Variants in ZNF362 observed in about 807,000 individuals in gnomAD.
ZNF362 encodes the protein zinc finger protein 362.
Under a neutral mutation model 42.9 loss-of-function variants are expected in ZNF362, and 11 were observed. The ratio of observed to expected loss-of-function variants is 0.26; its 90% CI spans 0.16 to 0.42. The LOEUF (loss-of-function observed/expected upper bound fraction) is 0.42. ZNF362 is among the 20% of genes least tolerant of loss of function. The pLI is 1.00. For synonymous variants in ZNF362, 255 were observed against 257.3 expected (o/e 0.99, Z 0.09); for missense variants, 362 against 576.2 (o/e 0.63, Z 3.81).
chr1:33,134,711 C>T, the ZNF362 span, among the ~76,000 whole-genome samples: 4 of 152,326 alleles, frequency 2.6e-5, no homozygotes, highest in South Asian at 4.1e-4. Flanking sequence ...GGAGTACATG[C>T]GGGTCTCTGG....
At chr1:33,136,467 C>A in the ZNF362 span, among the ~76,000 whole-genome samples, 1 of 151,804 alleles carries the variant, frequency 6.6e-6, no homozygotes, top group Non-Finnish European at 1.5e-5. Context: ...CTCCCAGGCT[C>A]AAGCAATTCT....
At chr1:33,202,120 T>C in the ZNF362 span, among the ~76,000 whole-genome samples, 3 of 152,236 alleles carry the variant, frequency 2.0e-5, no homozygotes, top group African/African-American at 7.2e-5. Flanking sequence ...TGAATTCGTA[T>C]TTAAAAGCCT....
At chr1:33,292,559 G>A (rs1046769652) in intron 6 of ZNF362, among the ~76,000 whole-genome samples, 7 of 152,146 alleles carry the variant, frequency 4.6e-5, no homozygotes, top group Non-Finnish European at 7.4e-5. Context: ...GCCAGGCTTT[G>A]GTATCAGGAT....
chr1:33,138,228 T>C, the ZNF362 span, among the ~76,000 whole-genome samples: 1 of 152,140 alleles, frequency 6.6e-6, no homozygotes, highest in Admixed American at 6.5e-5. Context: ...AGTAGGCTTC[T>C]AAGGTGGCCC....
chr1:33,236,572 T>TATATATACAC, the ZNF362 span, among the ~76,000 whole-genome samples: 13 of 98,704 alleles, frequency 1.3e-4, no homozygotes, highest in African/African-American at 4.4e-4. Flanking sequence ...TATATATATA[T>TATATATACAC]ACATACACAC....
rs113407785 is a variant in ZNF362 at position 33,273,798 on chromosome 1, G to A, written c.39-2302G>A. On this transcript the variant is annotated intron_variant, in intron 2 of 8. Coordinates refer to ENST00000539719, the MANE Select transcript of ZNF362 (RefSeq NM_152493.3). ...ATCCTCCTGAGGTTCTGATGAGAAT[G>A]CCAGTGGGCACAGAAGAGCTTTGTA... Among the ~76,000 whole-genome samples the A allele has an allele frequency of 2.2e-3, 336 of 152,324 alleles. 5 individuals are homozygous for A. The highest frequency in any genetic ancestry group is 7.3e-3 in the African/African-American group (303 of 41,576).
Position 33,280,213 on chromosome 1 carries a change from A to G in ZNF362, c.439A>G (p.Thr147Ala). ...GGGCACGGGTACCAGCACCCCGTCCACACCCACCACCACCAGCCAGAGCCG... is the reference window on the plus strand; with the variant it reads ...GGGCACGGGTACCAGCACCCCGTCCGCACCCACCACCACCAGCCAGAGCCG... ...GTGTGTSTPS[T>A]PTTTSQSRLI... Residue 147 changes from threonine to alanine, a missense_variant, in exon 5 of 9, where the codon ACA becomes GCA. Physicochemically the swap from Thr to Ala is moderately conservative, Grantham distance 58. Transcript: ENST00000539719. This position sits in a 1 kb window ranked among gnomAD's most constrained non-coding sequence, Gnocchi z 5.6. 1 of 1,613,800 alleles carries G rather than the reference A, an allele frequency of 6.2e-7. No individual in the cohort carries two copies. The highest frequency in any genetic ancestry group is 1.1e-5 in the South Asian group (1 of 91,058).
chr1:33,236,903 T>A, the ZNF362 span, among the ~76,000 whole-genome samples: 1 of 151,808 alleles, frequency 6.6e-6, no homozygotes, highest in Non-Finnish European at 1.5e-5. Flanking sequence ...AAACCCTGTC[T>A]CTACTAAAAA....
At chr1:33,187,607 G>A in the ZNF362 span, among the ~76,000 whole-genome samples, 4 of 152,100 alleles carry the variant, frequency 2.6e-5, no homozygotes, top group African/African-American at 7.2e-5. Flanking sequence ...GGTCCAGCAG[G>A]GGTCACTTAC....
chr1:33,277,851 C>T (rs1645963211), intron 4 of ZNF362, among the ~76,000 whole-genome samples: 1 of 152,122 alleles, frequency 6.6e-6, no homozygotes, highest in South Asian at 2.1e-4. Flanking sequence ...TGTCAAGGGG[C>T]TGGAGCCACC....
chr1:33,235,069 G>A, the ZNF362 span, among the ~76,000 whole-genome samples: 4 of 152,142 alleles, frequency 2.6e-5, no homozygotes, highest in Admixed American at 6.5e-5. Context: ...TGGAGGCACC[G>A]TGTTGTGTGT....
chr1:33,179,097 A>G, the ZNF362 span, among the ~76,000 whole-genome samples: 1 of 152,236 alleles, frequency 6.6e-6, no homozygotes, highest in East Asian at 1.9e-4. Context: ...CCATTCCTAC[A>G]TGATGAAGAG....
At chr1:33,169,298 G>A in the ZNF362 span, among the ~76,000 whole-genome samples, 16 of 152,246 alleles carry the variant, frequency 1.1e-4, no homozygotes, top group Admixed American at 2.0e-4. Context: ...CAGAAACCTC[G>A]GAGTGAGAGT....
rs1461492238 is a variant in ZNF362, at chr1:33,296,830, T to G, written c.1146+1525T>G. On this transcript the variant is annotated intron_variant, in intron 8 of 8. Coordinates refer to ENST00000539719, the MANE Select transcript of ZNF362 (RefSeq NM_152493.3). ...GAGGGGACTGTCAGGAAGGGTTTTT[T>G]TTTTTTTTTTTTGGTATATTTTAGA... Among the ~76,000 whole-genome samples the G allele has an allele frequency of 4.0e-5, 6 of 151,618 alleles. No homozygotes were observed. In the South Asian group the frequency reaches 1.0e-3, roughly 26 times the overall value.
At chr1:33,156,570 C>T in the ZNF362 span, among the ~76,000 whole-genome samples, 2 of 152,198 alleles carry the variant, frequency 1.3e-5, no homozygotes, top group Non-Finnish European at 2.9e-5. Context: ...CCTCTTGTCC[C>T]TGACTTCTAG....
At chr1:33,194,276 C>T in the ZNF362 span, among the ~76,000 whole-genome samples, 1 of 151,944 alleles carries the variant, frequency 6.6e-6, no homozygotes, top group Non-Finnish European at 1.5e-5. Context: ...TGGCTCACAC[C>T]CGTAATCCCA....
At chr1:33,165,431 A>G in the ZNF362 span, 30 of 1,520,092 alleles carry the variant, frequency 2.0e-5, no homozygotes, top group Non-Finnish European at 2.4e-5. This position sits in a 1 kb window ranked among gnomAD's most constrained non-coding sequence, Gnocchi z 4.0. Flanking sequence ...CCCTGCCCTC[A>G]TCTCTGCCGG....
At chr1:33,276,056 TG>T (rs771195553) in intron 2 of ZNF362, 43 bp from the exon 3 acceptor site, 1 of 1,611,468 alleles carries the variant, frequency 6.2e-7, no homozygotes, top group Non-Finnish European at 8.5e-7. Context: ...CCCCAGGCCT[TG>T]GGGAGGGCTC....
upstream of ZNF362, among the ~76,000 whole-genome samples, chr1:33,256,223 C>T (rs1216540519): frequency 1.4e-5 from 2 of 140,286 alleles, no homozygotes; most frequent in Non-Finnish European, 3.1e-5. Flanking sequence ...GGCCCCGGGG[C>T]CCGAGTGGGG....
Sources: allele counts gnomAD v4.1 joint callset (sites outside exome capture counted in the v4.1 genomes callset), GRCh38; gene constraint gnomAD v4.1.1; non-coding constraint Gnocchi (gnomAD v3.1); transcripts MANE v1.5; gene names NCBI Gene and HGNC (gene_info 2026-07-23, HGNC 2026-07-21).